Variants in PDZRN4 observed in about 807,000 individuals in gnomAD.
The protein encoded by PDZRN4 is PDZ domain containing ring finger 4.
A neutral mutation model predicts 99.0 loss-of-function variants in PDZRN4; 70 were observed. The ratio of observed to expected loss-of-function variants is 0.71; its 90% CI spans 0.58 to 0.86. The LOEUF is 0.86. Ranked by LOEUF, PDZRN4 falls within the 40% of genes least tolerant of loss-of-function variation. The probability of loss-of-function intolerance (pLI) is 0.00; values close to 1 mark genes in which losing one functional copy is unlikely to be tolerated. For missense variants in PDZRN4, 1,474 were observed against 1,331.2 expected (o/e 1.11, Z -1.67); for synonymous variants, 551 against 501.6 (o/e 1.10, Z -1.32).
chr12:41,189,102 G>A lies in PDZRN4; in HGVS notation c.647G>A (p.Arg216Lys). 8 of 1,579,886 alleles carry A rather than the reference G, an allele frequency of 5.1e-6. No individual in the cohort carries two copies. The highest frequency in any genetic ancestry group is 6.8e-6 in the Non-Finnish European group (8 of 1,171,198). ...FVGDLGGGHR[R>K]DGEHKPFTIV... The stretch of plus-strand genomic sequence containing the variant: ...GGCGACCTCGGTGGCGGCCACCGCA[G>A]GGTAAGCAAAGGGGGGTGGGCACCG... Residue 216 changes from arginine to lysine, a missense_variant and splice_region_variant, in exon 1 of 10, where the codon AGG becomes AAG. Transcript: ENST00000402685.
chr12:41,306,966 T>C (rs1014841089), intron 3 of PDZRN4, among the ~76,000 whole-genome samples: 2 of 152,168 alleles, frequency 1.3e-5, no homozygotes, highest in African/African-American at 4.8e-5. Context: ...CTCTAACAGA[T>C]GAAAGCTTTC....
At chr12:41,257,187 TAAGATAA>T (rs1951209468) in intron 3 of PDZRN4, among the ~76,000 whole-genome samples, 1 of 152,204 alleles carries the variant, frequency 6.6e-6, no homozygotes, top group African/African-American at 2.4e-5. Flanking sequence ...TCTTTCTTCC[TAAGATAA>T]GCATAACTAC....
Position 41,503,263 on chromosome 12 carries a change from A to G in PDZRN4, c.844-3193A>G, listed in dbSNP as rs1032053373. ...TGAAAATAGAGGTCAGCTGCATGAT[A>G]ACTGGAAGAAAAGAGCATTCCCCAA... On this transcript the variant is annotated intron_variant, in intron 3 of 9. Coordinates refer to ENST00000402685, the MANE Select transcript of PDZRN4 (RefSeq NM_001164595.2). Among the ~76,000 whole-genome samples, 11 of 152,300 alleles carry G rather than the reference A, an allele frequency of 7.2e-5. No individual in the cohort carries two copies. The East Asian group carries it at 1.9e-3, about 27-fold the overall frequency.
chr12:41,574,389 T>A lies in PDZRN4; in HGVS notation c.*499T>A, dbSNP rs545423298. 9.8e-5 allele frequency: 15 copies of A among 153,050 alleles called. No individual in the cohort carries two copies. Among genetic ancestry groups the A allele is most frequent in the African/African-American group, 3.6e-4 (15 of 41,578 alleles). 9.5% of individuals were successfully genotyped at this position (153,050 alleles called of 1,614,324 possible). On this transcript the variant is annotated 3_prime_UTR_variant, in exon 10 of 10. Transcript: ENST00000402685. ...CACATAAAAGCCACTGCTTTTAACATCCCATTGTACATTTAACACATAAAT... is the reference window on the plus strand; with the variant it reads ...CACATAAAAGCCACTGCTTTTAACAACCCATTGTACATTTAACACATAAAT...
intron 3 of PDZRN4, among the ~76,000 whole-genome samples, chr12:41,437,342 C>T (rs1220549724): frequency 6.6e-6 from 1 of 152,070 alleles, no homozygotes; most frequent in Non-Finnish European, 1.5e-5. Context: ...AAATATTTCT[C>T]CTTCTTGTTG....
chr12:41,542,218 T>C (rs946926631), intron 5 of PDZRN4, among the ~76,000 whole-genome samples: 4 of 152,188 alleles, frequency 2.6e-5, no homozygotes, highest in Admixed American at 2.6e-4. Context: ...TTACAAATGC[T>C]GAGAGTGGAG....
At chr12:41,254,143 A>T (rs1370047305) in intron 3 of PDZRN4, among the ~76,000 whole-genome samples, 4 of 152,022 alleles carry the variant, frequency 2.6e-5, no homozygotes, top group Non-Finnish European at 5.9e-5. Flanking sequence ...ACCTCAGTAA[A>T]TATATATATA....
chr12:41,287,694 C>A (rs1951430418), intron 3 of PDZRN4, among the ~76,000 whole-genome samples: 1 of 152,194 alleles, frequency 6.6e-6, no homozygotes, highest in African/African-American at 2.4e-5. Context: ...GCAACCTAAT[C>A]AAATAGAAAA....
intron 3 of PDZRN4, among the ~76,000 whole-genome samples, chr12:41,354,324 G>A (rs1951912158): frequency 1.3e-5 from 2 of 151,944 alleles, no homozygotes; most frequent in Admixed American, 1.3e-4. Flanking sequence ...GACCACACAT[G>A]GATTCTCCGT....
intron 3 of PDZRN4, among the ~76,000 whole-genome samples, chr12:41,220,950 T>C (rs1239379581): frequency 6.6e-6 from 1 of 152,174 alleles, no homozygotes; most frequent in Admixed American, 6.6e-5. Context: ...GAGGCAACAT[T>C]GTGCATTTCT....
At chr12:41,569,651 C>G (rs1411488038) in intron 9 of PDZRN4, among the ~76,000 whole-genome samples, 1 of 152,130 alleles carries the variant, frequency 6.6e-6, no homozygotes, top group Non-Finnish European at 1.5e-5. Context: ...ATCACTTTAC[C>G]ATGTTGAATA....
chr12:41,223,789 G>C (rs1202333191), intron 3 of PDZRN4, among the ~76,000 whole-genome samples: 2 of 152,298 alleles, frequency 1.3e-5, no homozygotes, highest in East Asian at 1.9e-4. Flanking sequence ...CGATGGCCAG[G>C]TGGGTGCAGC....
At chr12:41,386,354 C>T (rs934670262) in intron 3 of PDZRN4, among the ~76,000 whole-genome samples, 40 of 151,862 alleles carry the variant, frequency 2.6e-4, no homozygotes, top group Non-Finnish European at 1.6e-4. Context: ...CATTCAAATA[C>T]GAAGAGAAGA....
chr12:41,188,887 C>T lies in PDZRN4; in HGVS notation c.432C>T (p.Gly144=). Residue 144 remains glycine (G), a synonymous_variant, in exon 1 of 10, where the codon GGC becomes GGT. Transcript: ENST00000402685. ...CACCCAGGGCTGGCCGGGGCGGGGG[C>T]GCGCGCGGGGGGCCGCCGGGCGGCC... The part of the protein sequence containing the change: ...GPTPRAGRGG[G]ARGGPPGGRW... The T allele has an allele frequency of 1.8e-6, 2 of 1,102,532 alleles. No homozygotes were observed. Among genetic ancestry groups the T allele is most frequent in the East Asian group, 5.3e-5 (1 of 18,914 alleles). 68.3% of individuals were successfully genotyped at this position (1,102,532 alleles called of 1,614,324 possible).
chr12:41,486,991 G>C (rs1173962356), intron 3 of PDZRN4, among the ~76,000 whole-genome samples: 1 of 146,846 alleles, frequency 6.8e-6, no homozygotes, highest in Admixed American at 6.7e-5. Context: ...CACCATCTCA[G>C]TGAGACCTAC....
chr12:41,191,383 A>T, intron 1 of PDZRN4, 75 bp from the exon 2 acceptor site: 2 of 759,716 alleles, frequency 2.6e-6, no homozygotes. Context: ...CTTACAGTAC[A>T]TAAAAACTTA....
chr12:41,260,742 A>G (rs1461052932), intron 3 of PDZRN4, among the ~76,000 whole-genome samples: 3 of 152,170 alleles, frequency 2.0e-5, no homozygotes, highest in Non-Finnish European at 4.4e-5. Context: ...AAAGTCAGTA[A>G]TAAGAATCTT....
chr12:41,560,433 T>C (rs1252478401), intron 7 of PDZRN4, among the ~76,000 whole-genome samples: 3 of 152,190 alleles, frequency 2.0e-5, no homozygotes, highest in Admixed American at 6.5e-5. Flanking sequence ...TCTATCCATA[T>C]AAGTACCACA....
chr12:41,255,861 C>A (rs1475418873), intron 3 of PDZRN4, among the ~76,000 whole-genome samples: 1 of 152,088 alleles, frequency 6.6e-6, no homozygotes, highest in Admixed American at 6.5e-5. Context: ...TTTGAACAAC[C>A]AGCTCTCCTG....
Sources: gnomAD v4.1 joint callset for allele counts (sites outside exome capture counted in the v4.1 genomes callset) on GRCh38, gnomAD v4.1.1 for gene constraint, MANE v1.5 for transcripts, NCBI Gene and HGNC (gene_info 2026-07-23, HGNC 2026-07-21) for gene names.